Variants in NUTM1 observed in about 807,000 individuals in gnomAD.
NUTM1 encodes NUT midline carcinoma family member 1, also known as NUT family member 1.
In NUTM1, 39 loss-of-function variants were observed where a neutral mutation model predicts 88.7. That is an observed-to-expected ratio of 0.44 (90% CI 0.34 to 0.57). The LOEUF is 0.57. Among genes scored for constraint, NUTM1 ranks in the 20% least tolerant of loss-of-function variants. The probability of loss-of-function intolerance (pLI) is 0.01; values close to 1 mark genes in which losing one functional copy is unlikely to be tolerated. For synonymous variants in NUTM1, 494 were observed against 538.0 expected, an observed-to-expected ratio of 0.92 and a Z score of 1.13; for missense variants, 1,350 against 1,414.5, an observed-to-expected ratio of 0.95 and a Z score of 0.73.
rs1219408020 is a variant in NUTM1, at chr15:34,348,267, G to A, written c.399G>A (p.Gln133=). ...GGTCAGCTGAGCCCTCTCAAACTCA[G>A]AACTTTATCCTTACTCAGACTGCCC... The part of the protein sequence containing the change: ...EGGSAEPSQT[Q]NFILTQTALN... The change falls in exon 3 of 8, where the codon CAG becomes CAA. Residue 133 remains glutamine, a synonymous_variant. Coordinates refer to ENST00000537011, the MANE Select transcript of NUTM1 (RefSeq NM_001284292.2). 1 of 1,614,252 alleles carries A rather than the reference G, an allele frequency of 6.2e-7. No homozygotes were observed. The highest frequency in any genetic ancestry group is 1.7e-5 in the Admixed American group (1 of 60,022).
chr15:34,353,492 G>A lies in NUTM1; in HGVS notation c.939-244G>A, dbSNP rs376648340. Among the ~76,000 whole-genome samples, 5 of 152,256 alleles carry A rather than the reference G, an allele frequency of 3.3e-5. No homozygotes were observed. In the East Asian group the frequency reaches 9.7e-4, roughly 29 times the overall value. Reference sequence around the variant, plus strand: ...TTATAGGCATGAGCCACCCCACCTGGCCATTCATTTTCTTAAGCTTCCTAA... The same window carrying A: ...TTATAGGCATGAGCCACCCCACCTGACCATTCATTTTCTTAAGCTTCCTAA... On this transcript the variant is annotated intron_variant, in intron 4 of 7. Coordinates refer to ENST00000537011, the MANE Select transcript of NUTM1 (RefSeq NM_001284292.2).
chr15:34,353,640 G>A, intron 4 of NUTM1, 96 bp from the exon 5 acceptor site: 2 of 1,479,224 alleles, frequency 1.4e-6, no homozygotes, highest in Non-Finnish European at 1.9e-6. Context: ...CCACCTGAGA[G>A]CACTTCCTTT....
intron 3 of NUTM1, 47 bp downstream of exon 3, chr15:34,348,724 G>T: frequency 7.3e-7 from 1 of 1,376,928 alleles, no homozygotes; most frequent in Non-Finnish European, 1.0e-6. Context: ...TTTTAAATAA[G>T]GAGGACTTTG....
intron 2 of NUTM1, among the ~76,000 whole-genome samples, chr15:34,347,570 T>A (rs1028912071): frequency 2.7e-4 from 41 of 150,576 alleles, no homozygotes; most frequent in African/African-American, 1.9e-4. Flanking sequence ...TACAAAAAAA[T>A]TTAAAAATAA....
chr15:34,351,890 G>A (rs1196562097), intron 4 of NUTM1, among the ~76,000 whole-genome samples: 1 of 141,746 alleles, frequency 7.1e-6, no homozygotes, highest in Admixed American at 7.0e-5. Flanking sequence ...AAAAAAAAAG[G>A]CTAGGCGTGG....
At chr15:34,349,133 G>A (rs547531095) in intron 3 of NUTM1, among the ~76,000 whole-genome samples, 3 of 152,276 alleles carry the variant, frequency 2.0e-5, no homozygotes, top group Admixed American at 6.5e-5. Context: ...GTGGGGCCAG[G>A]CAAAGGACTT....
chr15:34,353,982 T>C, intron 5 of NUTM1, 110 bp downstream of exon 5: 3 of 1,232,256 alleles, frequency 2.4e-6, no homozygotes, highest in Non-Finnish European at 3.4e-6. Flanking sequence ...CCACTTTCCC[T>C]CTGGAGAGTG....
Position 34,346,044 on chromosome 15 carries a change from G to A in NUTM1, c.100+9G>A. On this transcript the variant is annotated intron_variant, in intron 2 of 7. Coordinates refer to ENST00000537011, the MANE Select transcript of NUTM1 (RefSeq NM_001284292.2). ...GATGGCTTCAGATGGAGGTAAGTCT[G>A]CAGGTGGTGAGGAGGATTTCTGGTA... 1 of 1,614,022 alleles carries A rather than the reference G, an allele frequency of 6.2e-7. No homozygotes were observed. The highest frequency in any genetic ancestry group is 8.5e-7 in the Non-Finnish European group (1 of 1,179,876).
At chr15:34,350,351 T>C (rs993206411) in intron 3 of NUTM1, among the ~76,000 whole-genome samples, 1 of 152,202 alleles carries the variant, frequency 6.6e-6, no homozygotes, top group East Asian at 1.9e-4. Context: ...TAAACATACT[T>C]TATAGCAAAT....
Position 34,343,514 on chromosome 15 carries a change from C to A in NUTM1, c.-183C>A. 7.2e-7 allele frequency: 1 copy of A among 1,397,566 alleles called. No homozygotes were observed. Among genetic ancestry groups the A allele is most frequent in the Non-Finnish European group, 9.6e-7 (1 of 1,036,364 alleles). The allele number at this position is 1,397,566 out of a possible 1,614,324, so 86.6% of individuals were successfully genotyped here. ...GAAAGAAGAGGTTTTCTTCCCTCCCCTCTTTTACATCCAGTTCCCCTGCTC... is the reference window on the plus strand; with the variant it reads ...GAAAGAAGAGGTTTTCTTCCCTCCCATCTTTTACATCCAGTTCCCCTGCTC... On this transcript the variant is annotated 5_prime_UTR_variant, in exon 1 of 8. Transcript: ENST00000537011.
intron 1 of NUTM1, among the ~76,000 whole-genome samples, chr15:34,345,655 G>A (rs1200925837): frequency 2.0e-5 from 3 of 152,228 alleles, no homozygotes; most frequent in Non-Finnish European, 2.9e-5. Flanking sequence ...GAATCGAAGT[G>A]TAGTGAACCA....
At chr15:34,345,851 C>T (rs1363414050) in intron 1 of NUTM1, 91 bp from the exon 2 acceptor site, 3 of 1,518,652 alleles carry the variant, frequency 2.0e-6, no homozygotes. Context: ...CCCTCCCCCA[C>T]AGCAGAATGC....
At chr15:34,347,093 T>C (rs560585313) in intron 2 of NUTM1, among the ~76,000 whole-genome samples, 1 of 151,954 alleles carries the variant, frequency 6.6e-6, no homozygotes, top group Admixed American at 6.6e-5. Context: ...TTTCACCTGT[T>C]GAGAATCAGT....
chr15:34,348,201 TG>T lies in NUTM1; in HGVS notation c.337del (p.Ala113LeufsTer50), dbSNP rs776132811. 2 of 1,614,202 alleles carry T rather than the reference TG, an allele frequency of 1.2e-6. No homozygotes were observed. The highest frequency in any genetic ancestry group is 1.7e-6 in the Non-Finnish European group (2 of 1,180,014). ...GDGGPCLSGA[G>X]AGKVIVKVKT... ...ATGGGGGCCCTTGCCTCAGTGGGGC[TG>T]GGGCTGGCAAGGTCATTGTCAAAGT... On this transcript the variant is annotated frameshift_variant, in exon 3 of 8. Transcript: ENST00000537011. LOFTEE classifies it high-confidence loss of function.
intron 3 of NUTM1, among the ~76,000 whole-genome samples, chr15:34,350,484 T>A (rs1890684423): frequency 6.6e-6 from 1 of 152,164 alleles, no homozygotes; most frequent in African/African-American, 2.4e-5. Flanking sequence ...TCTGTTTGAT[T>A]TTATATTAGT....
chr15:34,346,037 TA>T lies in NUTM1; in HGVS notation c.100+4del, dbSNP rs1890580866. The T allele has an allele frequency of 2.5e-6, 4 of 1,613,864 alleles. No individual in the cohort carries two copies. The highest frequency in any genetic ancestry group is 3.4e-6 in the Non-Finnish European group (4 of 1,179,952). ...CTGAGAGGATGGCTTCAGATGGAGG[TA>T]AGTCTGCAGGTGGTGAGGAGGATTT... On this transcript the variant is annotated splice_donor_region_variant and intron_variant, in intron 2 of 7. Transcript: ENST00000537011.
intron 5 of NUTM1, 60 bp from the exon 6 acceptor site, chr15:34,354,386 G>A: frequency 6.5e-7 from 1 of 1,540,512 alleles, no homozygotes; most frequent in Non-Finnish European, 9.0e-7. Flanking sequence ...ACATTCCGAA[G>A]GAGGCAGAAT....
At position 34,355,722 on chromosome 15, in the gene NUTM1, C is replaced by G; in HGVS notation, c.1714C>G (p.Leu572Val). ...AGTGCATGGTGGGCAGGAGCAAGCC[C>G]TAGATAGCCCCAGAGGGATGCACAG... The part of the protein sequence containing the change: ...REVHGGQEQA[L>V]DSPRGMHRDG... The change falls in exon 8 of 8, where the codon CTA becomes GTA. Residue 572 changes from leucine (L) to valine (V), a missense_variant. Physicochemically the swap from Leu to Val is conservative, Grantham distance 32. Around this residue, in one of 5 missense-constraint regions of NUTM1, gnomAD observed 730 missense variants for 728.8 expected, o/e 1.00. Transcript: ENST00000537011. This position sits in a 1 kb window ranked among gnomAD's most constrained non-coding sequence, Gnocchi z 4.3. 1 of 1,613,276 alleles carries G rather than the reference C, an allele frequency of 6.2e-7. No individual in the cohort carries two copies. The highest frequency in any genetic ancestry group is 1.1e-5 in the South Asian group (1 of 91,000).
rs1215101219 is a variant in NUTM1, at chr15:34,347,883, TAAAAA to T, written c.101-85_101-81del. ...ATAAAAATAAAAATAAAAATAAAAA[TAAAAA>T]TAAAAAAATGGGGAATTCAGATGGC... On this transcript the variant is annotated intron_variant, in intron 2 of 7. Transcript: ENST00000537011. 4.5e-5 allele frequency: 30 copies of T among 659,772 alleles called. 1 individual carries two copies. In the Middle Eastern group the frequency reaches 8.7e-4, roughly 19 times the overall value. 40.9% of individuals were successfully genotyped at this position (659,772 alleles called of 1,614,324 possible). A position where few individuals can be genotyped will look rare whatever the true frequency, so the allele number is the denominator to read the frequency against.
Sources: gnomAD v4.1 joint callset for allele counts (sites outside exome capture counted in the v4.1 genomes callset) on GRCh38, gnomAD v4.1.1 for gene constraint, gnomAD v4.1.1 regional missense constraint, Gnocchi (gnomAD v3.1) non-coding constraint, MANE v1.5 for transcripts, NCBI Gene and HGNC (gene_info 2026-07-23, HGNC 2026-07-21) for gene names.